NPAS3: variants seen among roughly 807,000 people sequenced by gnomAD.
NPAS3 encodes the protein neuronal PAS domain protein 3, also known as neuronal PAS domain-containing protein 3.
Under a neutral mutation model 73.1 loss-of-function variants are expected in NPAS3, and 14 were observed. The ratio of observed to expected loss-of-function variants is 0.19; its 90% CI spans 0.13 to 0.30. NPAS3 has a LOEUF of 0.30. Among genes scored for constraint, NPAS3 ranks in the 10% least tolerant of loss-of-function variants. The pLI, the probability that NPAS3 is intolerant of heterozygous loss-of-function variation, is 1.00. For missense variants in NPAS3, 1,096 were observed against 1,250.0 expected, an observed-to-expected ratio of 0.88 and a Z score of 1.86; for synonymous variants, 620 against 541.5, an observed-to-expected ratio of 1.14 and a Z score of -2.01.
chr14:33,407,676 T>A (rs1203642554), intron 4 of NPAS3, among the ~76,000 whole-genome samples: 1 of 152,096 alleles, frequency 6.6e-6, no homozygotes, highest in Non-Finnish European at 1.5e-5. Context: ...GTGCCTTTAT[T>A]TTTCTCCGCT....
intron 3 of NPAS3, among the ~76,000 whole-genome samples, chr14:33,328,905 C>T (rs986456260): frequency 1.2e-4 from 19 of 152,096 alleles, no homozygotes; most frequent in Middle Eastern, 3.2e-3. Flanking sequence ...GTTTTTCCAA[C>T]GTTACTCCTC....
At chr14:33,452,128 G>C (rs1177901937) in intron 4 of NPAS3, among the ~76,000 whole-genome samples, 1 of 152,136 alleles carries the variant, frequency 6.6e-6, no homozygotes, top group Non-Finnish European at 1.5e-5. Flanking sequence ...ATCTATATTG[G>C]TTTAATTTTA....
intron 7 of NPAS3, among the ~76,000 whole-genome samples, chr14:33,760,523 A>G (rs1165256069): frequency 6.6e-6 from 1 of 152,148 alleles, no homozygotes; most frequent in Non-Finnish European, 1.5e-5. Context: ...TGTAGAGACC[A>G]GGAAAGACTA....
intron 4 of NPAS3, among the ~76,000 whole-genome samples, chr14:33,531,688 A>T (rs1347600511): frequency 5.3e-5 from 8 of 152,090 alleles, no homozygotes; most frequent in Admixed American, 5.2e-4. Context: ...CCTAGGGTAA[A>T]TACCTAGGAG....
intron 1 of NPAS3, among the ~76,000 whole-genome samples, chr14:32,943,097 T>A (rs2036093430): frequency 6.6e-6 from 1 of 152,176 alleles, no homozygotes; most frequent in East Asian, 1.9e-4. Context: ...CTACTCCACA[T>A]GTGCAATATG....
Position 33,029,771 on chromosome 14 carries a change from A to G in NPAS3, c.51-26134A>G, listed in dbSNP as rs75022485. ...GCATAACAGTGGTGTGAAAATACTGAATGCCAAAACCAAAATGAGAAGAAC... is the reference window on the plus strand; with the variant it reads ...GCATAACAGTGGTGTGAAAATACTGGATGCCAAAACCAAAATGAGAAGAAC... On this transcript the variant is annotated intron_variant, in intron 1 of 11. Transcript: ENST00000356141. Among the ~76,000 whole-genome samples the G allele has an allele frequency of 3.1e-4, 47 of 152,296 alleles. No individual in the cohort carries two copies. The East Asian group carries it at 8.3e-3, about 27-fold the overall frequency.
intron 1 of NPAS3, among the ~76,000 whole-genome samples, chr14:32,944,093 C>T (rs976420107): frequency 1.1e-4 from 17 of 152,164 alleles, no homozygotes; most frequent in Non-Finnish European, 2.5e-4. Flanking sequence ...AATAATGACC[C>T]TAATGTAACC....
chr14:33,376,174 T>C (rs1272878153), intron 4 of NPAS3, among the ~76,000 whole-genome samples: 1 of 152,194 alleles, frequency 6.6e-6, no homozygotes, highest in African/African-American at 2.4e-5. Context: ...TGCCTTTGGA[T>C]GTTAATCCTA....
At chr14:33,222,786 T>A (rs2047481480) in intron 3 of NPAS3, among the ~76,000 whole-genome samples, 1 of 152,130 alleles carries the variant, frequency 6.6e-6, no homozygotes, top group African/African-American at 2.4e-5. Flanking sequence ...ATAGTACTGA[T>A]AAGAACTATG....
chr14:33,455,018 C>A (rs1256917729), intron 4 of NPAS3, among the ~76,000 whole-genome samples: 1 of 152,144 alleles, frequency 6.6e-6, no homozygotes, highest in Non-Finnish European at 1.5e-5. Context: ...AAGGGGCCAC[C>A]AGGCAAGACA....
At chr14:33,530,224 T>C (rs190214899) in intron 4 of NPAS3, among the ~76,000 whole-genome samples, 32 of 152,292 alleles carry the variant, frequency 2.1e-4, no homozygotes, top group Admixed American at 1.4e-3. Flanking sequence ...CCTGTGCAGC[T>C]AGAAATAAAT....
intron 4 of NPAS3, among the ~76,000 whole-genome samples, chr14:33,373,905 G>C (rs1319412507): frequency 6.6e-6 from 1 of 152,098 alleles, no homozygotes; most frequent in East Asian, 1.9e-4. Context: ...GATCAGAAAA[G>C]GCTAGGTACG....
intron 3 of NPAS3, among the ~76,000 whole-genome samples, chr14:33,219,993 G>T (rs2047363964): frequency 6.6e-6 from 1 of 152,160 alleles, no homozygotes; most frequent in Admixed American, 6.5e-5. Flanking sequence ...TATGGGGCAA[G>T]GGTCATATTC....
rs530560977 is a variant in NPAS3 at position 33,244,281 on chromosome 14, C to T, written c.385+28855C>T. 2.2e-4 allele frequency among the ~76,000 whole-genome samples: 33 copies of T among 152,160 alleles called. No homozygotes were observed. The East Asian group carries it at 3.3e-3, about 15-fold the overall frequency. ...ACTTCTTCCAAGCTTATAGAGAATA[C>T]CCAATAAATGTTTTAGAAATTAAAA... On this transcript the variant is annotated intron_variant, in intron 3 of 11. Coordinates refer to ENST00000356141, the Ensembl canonical transcript of NPAS3.
intron 4 of NPAS3, among the ~76,000 whole-genome samples, chr14:33,428,659 C>T (rs1334581284): frequency 1.3e-5 from 2 of 152,098 alleles, no homozygotes; most frequent in Non-Finnish European, 2.9e-5. Context: ...TGTTTAGACT[C>T]ACACTGAGCA....
intron 5 of NPAS3, among the ~76,000 whole-genome samples, chr14:33,664,187 CA>C (rs1280163375): frequency 6.6e-6 from 1 of 152,156 alleles, no homozygotes; most frequent in African/African-American, 2.4e-5. Context: ...ACCACTGGAA[CA>C]GAACAGTGGC....
At chr14:33,655,154 A>T (rs1340466963) in intron 5 of NPAS3, among the ~76,000 whole-genome samples, 2 of 152,002 alleles carry the variant, frequency 1.3e-5, no homozygotes, top group Non-Finnish European at 2.9e-5. Flanking sequence ...AATAATACCC[A>T]CCTAATCAAC....
chr14:33,614,601 C>T (rs2140065410), intron 5 of NPAS3, among the ~76,000 whole-genome samples: 1 of 152,238 alleles, frequency 6.6e-6, no homozygotes, highest in African/African-American at 2.4e-5. Flanking sequence ...CTAGCATAAG[C>T]AGCTTAAACA....
At chr14:33,155,451 C>T (rs983889631) in intron 2 of NPAS3, among the ~76,000 whole-genome samples, 1 of 152,118 alleles carries the variant, frequency 6.6e-6, no homozygotes, top group Admixed American at 6.6e-5. Flanking sequence ...AGTACAATGA[C>T]ACAATCATAG....
Sources: gnomAD v4.1 joint callset for allele counts (sites outside exome capture counted in the v4.1 genomes callset) on GRCh38, gnomAD v4.1.1 for gene constraint, MANE v1.5 for transcripts, NCBI Gene and HGNC (gene_info 2026-07-23, HGNC 2026-07-21) for gene names.